Variants in DIP2C observed in about 807,000 individuals in gnomAD.
The protein encoded by DIP2C is disco-interacting protein 2 homolog C.
In DIP2C, 33 loss-of-function variants were observed where a neutral mutation model predicts 192.4. That is an observed-to-expected ratio of 0.17 (90% confidence interval 0.13 to 0.23). The LOEUF (loss-of-function observed/expected upper bound fraction) is 0.23. Among genes scored for constraint, DIP2C ranks in the 10% least tolerant of loss-of-function variants. The pLI is 1.00. For synonymous variants in DIP2C, 979 were observed against 864.1 expected, an observed-to-expected ratio of 1.13 and a Z score of -2.33; for missense variants, 1,537 against 2,110.1, an observed-to-expected ratio of 0.73 and a Z score of 5.32.
intron 1 of DIP2C, among the ~76,000 whole-genome samples, chr10:618,208 A>G (rs915095037): frequency 8.5e-5 from 13 of 152,188 alleles, no homozygotes; most frequent in African/African-American, 2.9e-4. Context: ...TTCTGATAAT[A>G]TTTTCTTATG....
intron 1 of DIP2C, among the ~76,000 whole-genome samples, chr10:602,151 G>A (rs752174514): frequency 2.0e-5 from 3 of 152,102 alleles, no homozygotes; most frequent in Non-Finnish European, 4.4e-5. Flanking sequence ...GTTCAGTATT[G>A]TCACACACCA....
At chr10:406,988 C>T (rs1964852572) in intron 9 of DIP2C, among the ~76,000 whole-genome samples, 1 of 152,084 alleles carries the variant, frequency 6.6e-6, no homozygotes, top group Non-Finnish European at 1.5e-5. Context: ...TCCAACCTGA[C>T]CAATCAGCAC....
intron 17 of DIP2C, among the ~76,000 whole-genome samples, chr10:375,540 T>C (rs569616491): frequency 1.3e-5 from 2 of 152,330 alleles, no homozygotes; most frequent in African/African-American, 2.4e-5. Flanking sequence ...TCACGAGGAA[T>C]GTACACTATG....
intron 3 of DIP2C, among the ~76,000 whole-genome samples, chr10:451,786 C>A (rs1005274369): frequency 7.9e-4 from 120 of 152,282 alleles, no homozygotes; most frequent in African/African-American, 2.6e-3. Flanking sequence ...ACACACACCA[C>A]CCTCTAACAC....
At chr10:607,324 C>G (rs1852564748) in intron 1 of DIP2C, among the ~76,000 whole-genome samples, 1 of 149,542 alleles carries the variant, frequency 6.7e-6, no homozygotes, top group African/African-American at 2.6e-5. Context: ...CAGCTGATAA[C>G]CCACTGGGCT....
At chr10:557,034 G>A (rs911622686) in intron 1 of DIP2C, among the ~76,000 whole-genome samples, 1 of 152,210 alleles carries the variant, frequency 6.6e-6, no homozygotes, top group Non-Finnish European at 1.5e-5. Context: ...GGTCCCACAC[G>A]GCTGTGTGCT....
intron 29 of DIP2C, among the ~76,000 whole-genome samples, chr10:329,822 T>C (rs993477096): frequency 6.6e-6 from 1 of 152,202 alleles, no homozygotes; most frequent in Admixed American, 6.5e-5. Flanking sequence ...CATGGGGCAG[T>C]TCCTACCACT....
At chr10:435,600 T>C (rs1314607231) in intron 4 of DIP2C, among the ~76,000 whole-genome samples, 1 of 152,222 alleles carries the variant, frequency 6.6e-6, no homozygotes, top group Non-Finnish European at 1.5e-5. Flanking sequence ...CTGTCCACCC[T>C]ATCTGGGGAC....
At chr10:528,377 CCG>C (rs1464860095) in intron 1 of DIP2C, among the ~76,000 whole-genome samples, 8 of 92,204 alleles carry the variant, frequency 8.7e-5, no homozygotes, top group African/African-American at 2.4e-4. Context: ...CGCAGACCGC[CCG>C]CAGCTCCCCC....
chr10:687,251 T>C (rs1053108275), intron 1 of DIP2C, among the ~76,000 whole-genome samples: 3 of 152,240 alleles, frequency 2.0e-5, no homozygotes, highest in Non-Finnish European at 4.4e-5. Flanking sequence ...GGAAAACAAG[T>C]TGATTCATCT....
intron 19 of DIP2C, chr10:365,130 T>C: frequency 4.7e-6 from 2 of 426,512 alleles, no homozygotes; most frequent in South Asian, 3.5e-5. Flanking sequence ...AGTTTTTATT[T>C]AGATTTGTAT....
intron 1 of DIP2C, among the ~76,000 whole-genome samples, chr10:619,700 A>G (rs1470804707): frequency 6.6e-6 from 1 of 152,128 alleles, no homozygotes; most frequent in Non-Finnish European, 1.5e-5. Flanking sequence ...ACCACTCCAC[A>G]AGCAATGAGT....
chr10:278,504 G>T (rs1954643568), intron 36 of DIP2C, among the ~76,000 whole-genome samples: 1 of 152,254 alleles, frequency 6.6e-6, no homozygotes, highest in Non-Finnish European at 1.5e-5. Context: ...ACGTGGAGAA[G>T]AGCCACCAGT....
At chr10:626,741 G>A (rs555426377) in intron 1 of DIP2C, among the ~76,000 whole-genome samples, 21 of 152,192 alleles carry the variant, frequency 1.4e-4, no homozygotes, top group Admixed American at 6.5e-4. Context: ...CCACGGTCAC[G>A]CCGATTGTCA....
intron 1 of DIP2C, among the ~76,000 whole-genome samples, chr10:609,542 TAAA>T (rs1013822783): frequency 9.2e-5 from 14 of 152,252 alleles, no homozygotes; most frequent in African/African-American, 3.4e-4. Context: ...TTAACTCAAT[TAAA>T]AAACAATGTA....
Position 387,824 on chromosome 10 carries a change from G to T in DIP2C, c.1598-15C>A. The T allele has an allele frequency of 1.2e-6, 2 of 1,614,150 alleles. No individual in the cohort carries two copies. Among genetic ancestry groups the T allele is most frequent in the Non-Finnish European group, 1.7e-6 (2 of 1,179,994 alleles). On this transcript the variant is annotated splice_polypyrimidine_tract_variant and intron_variant, in intron 13 of 36. Transcript: ENST00000280886. ...AATGGTTTCAGCTGCACAACAGAGGGAGTCAGGAGATTTTTACTTAGGACA... is the reference window on the plus strand; with the variant it reads ...AATGGTTTCAGCTGCACAACAGAGGTAGTCAGGAGATTTTTACTTAGGACA...
Position 419,008 on chromosome 10 carries a change from G to A in DIP2C, c.739+57C>T, listed in dbSNP as rs978160070. 374 of 1,609,758 alleles carry A rather than the reference G, an allele frequency of 2.3e-4. 1 individual carries two copies. The highest frequency in any genetic ancestry group is 1.6e-3 in the African/African-American group (117 of 74,986). On this transcript the variant is annotated intron_variant, in intron 6 of 36. Transcript: ENST00000280886. ...ACACATCCAGTCATGGGCACGGAAC[G>A]GGACGTCAGCACAAACCGTTTACCA...
rs1438860686 is a variant in DIP2C at position 274,338 on chromosome 10, CTAAG to C, written c.*2983_*2986del. 1.3e-5 allele frequency: 2 copies of C among 152,192 alleles called. No individual in the cohort carries two copies. The highest frequency in any genetic ancestry group is 4.8e-5 in the African/African-American group (2 of 41,448). The allele number at this position is 152,192 out of a possible 1,614,324, so 9.4% of individuals were successfully genotyped here. ...ATTTTTCAAAGTATGATTATCTGTACTAAGTAATGCAACAAATTATGTAAACAGA... is the reference window on the plus strand; with the variant it reads ...ATTTTTCAAAGTATGATTATCTGTACTAATGCAACAAATTATGTAAACAGA... On this transcript the variant is annotated 3_prime_UTR_variant, in exon 37 of 37. Coordinates refer to ENST00000280886, the MANE Select transcript of DIP2C (RefSeq NM_014974.3).
At chr10:339,122 G>T (rs1224643362) in intron 29 of DIP2C, among the ~76,000 whole-genome samples, 1 of 151,924 alleles carries the variant, frequency 6.6e-6, no homozygotes, top group Non-Finnish European at 1.5e-5. Context: ...TACACCCCCA[G>T]GGCCTCTTCT....
Sources: allele counts gnomAD v4.1 joint callset (sites outside exome capture counted in the v4.1 genomes callset), GRCh38; gene constraint gnomAD v4.1.1; transcripts MANE v1.5; gene names NCBI Gene and HGNC (gene_info 2026-07-23, HGNC 2026-07-21).